Variants in HOOK3 observed in about 807,000 individuals in gnomAD.
HOOK3 encodes hook microtubule tethering protein 3, also known as protein Hook homolog 3.
In HOOK3, 24 loss-of-function variants were observed where a neutral mutation model predicts 116.3. That is an observed-to-expected ratio of 0.21 (90% CI 0.15 to 0.29). HOOK3 has a LOEUF of 0.29. Ranked by LOEUF, HOOK3 falls within the 10% of genes least tolerant of loss-of-function variation. HOOK3 has a pLI of 1.00. For synonymous variants in HOOK3, 275 were observed against 283.0 expected (o/e 0.97, Z 0.28); for missense variants, 632 against 830.2 (o/e 0.76, Z 2.93).
chr8:42,999,799 C>T (rs187891750), intron 16 of HOOK3, among the ~76,000 whole-genome samples: 180 of 152,200 alleles, frequency 1.2e-3, no homozygotes, highest in African/African-American at 4.2e-3. Flanking sequence ...CTTCAGAGAA[C>T]AAGACAGGAT....
At chr8:42,926,535 CT>C (rs1402475753) in intron 3 of HOOK3, among the ~76,000 whole-genome samples, 1 of 152,168 alleles carries the variant, frequency 6.6e-6, no homozygotes, top group Non-Finnish European at 1.5e-5. Flanking sequence ...ATCTGCCCAC[CT>C]TGGCCTCTCA....
chr8:42,969,534 A>G (rs916093328), intron 11 of HOOK3, among the ~76,000 whole-genome samples: 3 of 152,230 alleles, frequency 2.0e-5, no homozygotes, highest in Admixed American at 1.3e-4. Context: ...ATGAGGTTGA[A>G]GAATCGCTTG....
At position 42,986,936 on chromosome 8, in the gene HOOK3, C is replaced by G. The variant is rs532773835; in HGVS notation, c.1532+141C>G. Reference sequence around the variant, plus strand: ...CTTTGGGAGGCCCAGGAGGGCAGATCGCTTGAGCTCGGGAGTTCAAGACCA... The same window carrying G: ...CTTTGGGAGGCCCAGGAGGGCAGATGGCTTGAGCTCGGGAGTTCAAGACCA... On this transcript the variant is annotated intron_variant, in intron 15 of 21. Coordinates refer to ENST00000307602, the MANE Select transcript of HOOK3 (RefSeq NM_032410.4). The G allele has an allele frequency of 7.5e-6, 6 of 799,312 alleles. No individual in the cohort carries two copies. The Admixed American group carries it at 1.4e-4, about 18-fold the overall frequency. The allele number at this position is 799,312 out of a possible 1,614,324, so 49.5% of individuals were successfully genotyped here. A position where few individuals can be genotyped will look rare whatever the true frequency, so the allele number is the denominator to read the frequency against.
chr8:42,965,447 A>G (rs538979228), intron 9 of HOOK3, among the ~76,000 whole-genome samples: 1 of 152,308 alleles, frequency 6.6e-6, no homozygotes, highest in Admixed American at 6.5e-5. Flanking sequence ...GTGGGAAGAA[A>G]AGCCCAAAAG....
In HOOK3 at chr8:42,952,705, G is replaced by T. The variant is rs1456946811; in HGVS notation, c.468+2250G>T. Among the ~76,000 whole-genome samples the T allele has an allele frequency of 3.3e-5, 5 of 152,224 alleles. No homozygotes were observed. In the East Asian group the frequency reaches 9.6e-4, roughly 29 times the overall value. ...TATTACCCAGCAAAGCTTTTAAAGA[G>T]TTCATTGGTTTAGCAGTCAGCACTG... On this transcript the variant is annotated intron_variant, in intron 6 of 21. Coordinates refer to ENST00000307602, the MANE Select transcript of HOOK3 (RefSeq NM_032410.4).
intron 17 of HOOK3, among the ~76,000 whole-genome samples, chr8:43,005,765 C>T (rs1005867369): frequency 6.6e-6 from 1 of 151,832 alleles, no homozygotes; most frequent in Non-Finnish European, 1.5e-5. Flanking sequence ...GGCATGATCT[C>T]GGCTCACTTC....
Position 42,916,457 on chromosome 8 carries a change from A to G in HOOK3, c.144-9100A>G, listed in dbSNP as rs972309089. Among the ~76,000 whole-genome samples, 7 of 152,296 alleles carry G rather than the reference A, an allele frequency of 4.6e-5. 1 individual carries two copies. Among genetic ancestry groups the G allele is most frequent in the South Asian group, 2.1e-4 (1 of 4,822 alleles). ...CACAAGTTAAGGGCATAGTCCTTCA[A>G]TTCTGACAGGAACTACCCAGAATTA... On this transcript the variant is annotated intron_variant, in intron 2 of 21. Coordinates refer to ENST00000307602, the MANE Select transcript of HOOK3 (RefSeq NM_032410.4).
chr8:42,929,672 G>A (rs576422686), intron 3 of HOOK3, among the ~76,000 whole-genome samples: 1 of 151,976 alleles, frequency 6.6e-6, no homozygotes, highest in African/African-American at 2.4e-5. Context: ...TACTTCATGG[G>A]TTATTTTAAA....
chr8:42,973,665 A>G (rs543080171), intron 12 of HOOK3, among the ~76,000 whole-genome samples: 1 of 152,236 alleles, frequency 6.6e-6, no homozygotes, highest in South Asian at 2.1e-4. Flanking sequence ...TGTTCTGCTC[A>G]TGACTTTCTA....
intron 2 of HOOK3, among the ~76,000 whole-genome samples, chr8:42,914,996 C>T (rs1033226428): frequency 5.0e-4 from 76 of 152,182 alleles, no homozygotes; most frequent in African/African-American, 1.8e-3. Context: ...ATAGAAATTA[C>T]TCATAAAAGT....
At chr8:42,931,370 T>A (rs1807868802) in intron 4 of HOOK3, among the ~76,000 whole-genome samples, 1 of 151,744 alleles carries the variant, frequency 6.6e-6, no homozygotes, top group Non-Finnish European at 1.5e-5. Context: ...ATATCAGCAG[T>A]CTCCTTATTT....
intron 4 of HOOK3, among the ~76,000 whole-genome samples, chr8:42,935,946 A>T (rs973200533): frequency 1.3e-5 from 2 of 152,198 alleles, no homozygotes; most frequent in African/African-American, 2.4e-5. Flanking sequence ...TGGTAGCTGT[A>T]TGGGGATACC....
intron 15 of HOOK3, among the ~76,000 whole-genome samples, chr8:42,995,940 C>A (rs888619751): frequency 6.6e-6 from 1 of 152,096 alleles, no homozygotes; most frequent in East Asian, 1.9e-4. Context: ...ATACTATCTT[C>A]CATTTTAAAA....
intron 13 of HOOK3, among the ~76,000 whole-genome samples, chr8:42,979,960 C>CT (rs1808906042): frequency 1.3e-5 from 2 of 148,412 alleles, no homozygotes; most frequent in Admixed American, 6.7e-5. Context: ...TTTTCTTTTT[C>CT]TTTTCTTTTT....
chr8:42,991,394 C>A (rs952833197), intron 15 of HOOK3, among the ~76,000 whole-genome samples: 1 of 129,662 alleles, frequency 7.7e-6, no homozygotes, highest in African/African-American at 2.8e-5. Flanking sequence ...TAGTATGGAC[C>A]TTTTTTTTTT....
intron 6 of HOOK3, among the ~76,000 whole-genome samples, chr8:42,951,023 G>C (rs1377312357): frequency 6.6e-6 from 1 of 151,462 alleles, no homozygotes; most frequent in Non-Finnish European, 1.5e-5. Flanking sequence ...TAATGAAATA[G>C]TAATAGCAGA....
intron 8 of HOOK3, among the ~76,000 whole-genome samples, chr8:42,962,489 CTCG>C (rs1219511213): frequency 6.6e-6 from 1 of 151,002 alleles, no homozygotes; most frequent in East Asian, 2.0e-4. Flanking sequence ...TCACTATAGC[CTCG>C]ACCTCTTGGA....
chr8:42,962,209 A>G (rs1165183700), intron 8 of HOOK3, among the ~76,000 whole-genome samples: 1 of 151,806 alleles, frequency 6.6e-6, no homozygotes, highest in Admixed American at 6.6e-5. Context: ...CAGCCTTCCA[A>G]ATAGCTGGGG....
At chr8:42,979,520 A>G (rs141852140) in intron 13 of HOOK3, among the ~76,000 whole-genome samples, 2 of 152,294 alleles carry the variant, frequency 1.3e-5, no homozygotes, top group South Asian at 2.1e-4. Context: ...CTCCCAGACT[A>G]GTAACCAGCT....
Sources: allele counts gnomAD v4.1 joint callset (sites outside exome capture counted in the v4.1 genomes callset), GRCh38; gene constraint gnomAD v4.1.1; transcripts MANE v1.5; gene names NCBI Gene and HGNC (gene_info 2026-07-23, HGNC 2026-07-21).